PHLDB2: variants seen among roughly 807,000 people sequenced by gnomAD.
The protein encoded by PHLDB2 is pleckstrin homology like domain family B member 2.
PHLDB2 carries 71 observed loss-of-function variants against 123.6 expected under a neutral mutation model. The observed-to-expected ratio is 0.57, with a 90% CI of 0.47 to 0.70. The LOEUF (loss-of-function observed/expected upper bound fraction) is 0.70. Among genes scored for constraint, PHLDB2 ranks in the 30% least tolerant of loss-of-function variants. The probability of loss-of-function intolerance (pLI) is 0.00; values close to 1 mark genes in which losing one functional copy is unlikely to be tolerated. For synonymous variants in PHLDB2, 547 were observed against 541.6 expected (o/e 1.01, Z -0.14); for missense variants, 1,446 against 1,519.5 (o/e 0.95, Z 0.80).
intron 1 of PHLDB2, among the ~76,000 whole-genome samples, chr3:111,861,196 C>T (rs2064821087): frequency 6.6e-6 from 1 of 152,194 alleles, no homozygotes; most frequent in Non-Finnish European, 1.5e-5. Context: ...GGCTATATCT[C>T]TCTTGCCGTT....
At chr3:111,820,825 C>A (rs903266672) in intron 1 of PHLDB2, among the ~76,000 whole-genome samples, 1 of 152,196 alleles carries the variant, frequency 6.6e-6, no homozygotes, top group Non-Finnish European at 1.5e-5. Flanking sequence ...GCACATATCC[C>A]GTTGCCCAAG....
intron 1 of PHLDB2, among the ~76,000 whole-genome samples, chr3:111,811,124 G>A (rs989730032): frequency 1.3e-5 from 2 of 152,162 alleles, no homozygotes; most frequent in African/African-American, 4.8e-5. Context: ...TGAGTCATCA[G>A]GATATTTCTC....
intron 2 of PHLDB2, among the ~76,000 whole-genome samples, chr3:111,898,522 A>G (rs1041064759): frequency 2.0e-5 from 3 of 152,140 alleles, no homozygotes; most frequent in East Asian, 1.9e-4. Context: ...AGTTTGTCAC[A>G]TTGATTCAAC....
intron 12 of PHLDB2, among the ~76,000 whole-genome samples, chr3:111,954,525 C>A (rs1023135701): frequency 6.6e-6 from 1 of 152,186 alleles, no homozygotes; most frequent in Non-Finnish European, 1.5e-5. Flanking sequence ...TGTTATGTTT[C>A]AGGTAGACTT....
intron 1 of PHLDB2, among the ~76,000 whole-genome samples, chr3:111,756,388 G>A (rs189567670): frequency 1.3e-5 from 2 of 152,172 alleles, no homozygotes. Flanking sequence ...TCGTTGAATT[G>A]ATCCCTTTAC....
At position 111,884,441 on chromosome 3, in the gene PHLDB2, C is replaced by A; in HGVS notation, c.364C>A (p.Pro122Thr). ...LNTTSSLSGYPLGRADFDHYT... is the reference protein window; with the variant it reads ...LNTTSSLSGYTLGRADFDHYT... Reference sequence around the variant, plus strand: ...CACTACATCCTCCCTCAGTGGATATCCACTTGGAAGAGCAGACTTTGATCA... The same window carrying A: ...CACTACATCCTCCCTCAGTGGATATACACTTGGAAGAGCAGACTTTGATCA... The change falls in exon 2 of 18, where the codon CCA becomes ACA. Residue 122 changes from proline to threonine, a missense_variant. Transcript: ENST00000431670. The A allele has an allele frequency of 6.2e-7, 1 of 1,614,170 alleles. No individual in the cohort carries two copies. Among genetic ancestry groups the A allele is most frequent in the African/African-American group, 1.3e-5 (1 of 75,034 alleles).
intron 1 of PHLDB2, among the ~76,000 whole-genome samples, chr3:111,822,342 C>T (rs1209606549): frequency 1.4e-5 from 2 of 138,202 alleles, no homozygotes; most frequent in East Asian, 2.0e-4. Flanking sequence ...TAATGGTACA[C>T]TGAAAACAAC....
chr3:111,963,403 T>C (rs2071544957), intron 13 of PHLDB2, among the ~76,000 whole-genome samples: 1 of 152,220 alleles, frequency 6.6e-6, no homozygotes, highest in African/African-American at 2.4e-5. Context: ...GTAGGTAGTA[T>C]TCAGAATACT....
At chr3:111,781,723 T>C (rs1358654522) in intron 1 of PHLDB2, among the ~76,000 whole-genome samples, 3 of 152,194 alleles carry the variant, frequency 2.0e-5, no homozygotes, top group East Asian at 3.8e-4. Flanking sequence ...CCTTCTGCTA[T>C]GCAGATGCAT....
chr3:111,864,047 A>G (rs541650123), intron 1 of PHLDB2, among the ~76,000 whole-genome samples: 6 of 152,326 alleles, frequency 3.9e-5, no homozygotes, highest in Admixed American at 2.0e-4. Context: ...GGTGGGAGAC[A>G]TAAAACCTCT....
chr3:111,873,323 G>A (rs1232415008), intron 1 of PHLDB2, among the ~76,000 whole-genome samples: 6 of 149,524 alleles, frequency 4.0e-5, no homozygotes, highest in Non-Finnish European at 7.5e-5. Context: ...GCACTTCCTG[G>A]GGTAGTAGGG....
intron 1 of PHLDB2, among the ~76,000 whole-genome samples, chr3:111,844,119 C>A (rs1042517646): frequency 6.6e-6 from 1 of 152,116 alleles, no homozygotes; most frequent in Non-Finnish European, 1.5e-5. Flanking sequence ...GGATTCTTGA[C>A]CTCATCCTCT....
intron 1 of PHLDB2, among the ~76,000 whole-genome samples, chr3:111,867,082 C>T (rs75913738): frequency 0.033 from 4,974 of 152,064 alleles, 280 homozygotes; most frequent in African/African-American, 0.11. Flanking sequence ...CCCCACATAA[C>T]GTTATCTTGC....
At chr3:111,820,774 G>T (rs964681398) in intron 1 of PHLDB2, among the ~76,000 whole-genome samples, 1 of 152,180 alleles carries the variant, frequency 6.6e-6, no homozygotes, top group African/African-American at 2.4e-5. Context: ...AGGGCCAGAG[G>T]GGCATGGCCG....
intron 13 of PHLDB2, among the ~76,000 whole-genome samples, chr3:111,966,174 T>G (rs2071737938): frequency 6.6e-6 from 1 of 152,204 alleles, no homozygotes; most frequent in Admixed American, 6.5e-5. Context: ...AGGTGTCATT[T>G]ATATAGAACG....
intron 1 of PHLDB2, among the ~76,000 whole-genome samples, chr3:111,787,400 A>G (rs1386813937): frequency 6.6e-6 from 1 of 152,172 alleles, no homozygotes; most frequent in Non-Finnish European, 1.5e-5. Context: ...TATAAGTGAG[A>G]TATTCTCCTT....
At chr3:111,936,706 G>T (rs1237824686) in intron 6 of PHLDB2, among the ~76,000 whole-genome samples, 1 of 152,146 alleles carries the variant, frequency 6.6e-6, no homozygotes, top group Non-Finnish European at 1.5e-5. Context: ...GCCAGATGTG[G>T]AGTAAGCAAC....
Position 111,876,037 on chromosome 3 carries a change from G to A in PHLDB2, c.-14-8027G>A, listed in dbSNP as rs567694395. On this transcript the variant is annotated intron_variant, in intron 1 of 17. Transcript: ENST00000431670. ...AAATAAAATCACTACTGATTTTTTT[G>A]GTGTGATTTCTTCCAGTCCATTGTT... is the stretch of plus-strand genomic sequence containing the variant. Among the ~76,000 whole-genome samples, 55 of 151,868 alleles carry A rather than the reference G, an allele frequency of 3.6e-4. No homozygotes were observed. The South Asian group carries it at 7.9e-3, about 22-fold the overall frequency.
intron 1 of PHLDB2, among the ~76,000 whole-genome samples, chr3:111,745,704 G>A (rs752642804): frequency 5.9e-5 from 9 of 152,124 alleles, no homozygotes; most frequent in Non-Finnish European, 1.2e-4. Flanking sequence ...TGAAGCTGCA[G>A]TGAGCTATGT....
Sources: gnomAD v4.1 joint callset for allele counts (sites outside exome capture counted in the v4.1 genomes callset) on GRCh38, gnomAD v4.1.1 for gene constraint, MANE v1.5 for transcripts, NCBI Gene and HGNC (gene_info 2026-07-23, HGNC 2026-07-21) for gene names.